Variants in PREX2 observed in about 807,000 individuals in gnomAD.
PREX2 encodes the protein phosphatidylinositol 3,4,5-trisphosphate-dependent Rac exchanger 2 protein.
A neutral mutation model predicts 203.2 loss-of-function variants in PREX2; 107 were observed. That is an observed-to-expected ratio of 0.53 (90% CI 0.45 to 0.62). The LOEUF (loss-of-function observed/expected upper bound fraction) is 0.62. Ranked by LOEUF, PREX2 falls within the 20% of genes least tolerant of loss-of-function variation. The probability of loss-of-function intolerance (pLI) is 0.00; values close to 1 mark genes in which losing one functional copy is unlikely to be tolerated. For synonymous variants in PREX2, 672 were observed against 663.6 expected (o/e 1.01, Z -0.19); for missense variants, 1,777 against 1,955.9 (o/e 0.91, Z 1.72).
At chr8:68,147,396 G>C (rs1342297444) in intron 34 of PREX2, among the ~76,000 whole-genome samples, 1 of 152,124 alleles carries the variant, frequency 6.6e-6, no homozygotes, top group African/African-American at 2.4e-5. Flanking sequence ...CCTGGTGGGA[G>C]GTAATTGAAT....
chr8:67,989,356 C>T (rs1051746308), intron 1 of PREX2, among the ~76,000 whole-genome samples: 1 of 152,008 alleles, frequency 6.6e-6, no homozygotes, highest in Non-Finnish European at 1.5e-5. Flanking sequence ...ATTTTTAAAA[C>T]TTCTAAATCT....
chr8:68,184,973 TA>T (rs1290406019), intron 35 of PREX2, among the ~76,000 whole-genome samples: 1 of 152,212 alleles, frequency 6.6e-6, no homozygotes, highest in Non-Finnish European at 1.5e-5. Flanking sequence ...TCCTGATTCT[TA>T]AATTAGTATG....
chr8:68,040,920 A>G (rs766908970), intron 7 of PREX2, among the ~76,000 whole-genome samples: 1 of 152,228 alleles, frequency 6.6e-6, no homozygotes, highest in East Asian at 1.9e-4. Flanking sequence ...TGTTATTGAC[A>G]TAATACTATT....
intron 31 of PREX2, among the ~76,000 whole-genome samples, chr8:68,127,867 G>A (rs937910687): frequency 3.3e-4 from 50 of 152,122 alleles, no homozygotes; most frequent in African/African-American, 9.9e-4. Context: ...GACACTAAAG[G>A]ACAATTAAAT....
chr8:68,051,346 A>AT (rs372447199), intron 8 of PREX2, among the ~76,000 whole-genome samples: 14,567 of 152,074 alleles, frequency 0.096, 2,187 homozygotes, highest in African/African-American at 0.32. Flanking sequence ...AAGGTATAAT[A>AT]ACATGAGTGG....
chr8:68,028,357 T>C (rs530320380), intron 5 of PREX2, among the ~76,000 whole-genome samples: 1 of 152,120 alleles, frequency 6.6e-6, no homozygotes, highest in South Asian at 2.1e-4. Context: ...GATTCCGACT[T>C]ATTTTAATAT....
In PREX2 at chr8:67,955,672, T is replaced by A. The variant is rs1431509366; in HGVS notation, c.141+3137T>A. Among the ~76,000 whole-genome samples the A allele has an allele frequency of 2.0e-5, 3 of 152,340 alleles. No homozygotes were observed. The East Asian group carries it at 5.8e-4, about 29-fold the overall frequency. ...GAGGACAGGGACATACCACCTTGTG[T>A]GCCTGTGCTTTCCATAATTGTGTGC... On this transcript the variant is annotated intron_variant, in intron 1 of 39. Transcript: ENST00000288368.
chr8:68,036,373 T>G (rs1808030958), intron 6 of PREX2, among the ~76,000 whole-genome samples: 1 of 152,174 alleles, frequency 6.6e-6, no homozygotes. Context: ...CTAATATCTG[T>G]GTATGTTAAT....
chr8:68,098,103 C>A (rs529685907), intron 22 of PREX2, among the ~76,000 whole-genome samples: 49 of 152,232 alleles, frequency 3.2e-4, no homozygotes, highest in Admixed American at 1.8e-3. Flanking sequence ...GGTAAAGAGG[C>A]AACTGCTGGC....
chr8:67,955,885 C>G (rs1805483025), intron 1 of PREX2, among the ~76,000 whole-genome samples: 1 of 152,140 alleles, frequency 6.6e-6, no homozygotes, highest in African/African-American at 2.4e-5. Flanking sequence ...TTTGCTCAGG[C>G]ACATATGAAT....
At chr8:68,166,224 C>T (rs1264647405) in intron 35 of PREX2, among the ~76,000 whole-genome samples, 1 of 152,138 alleles carries the variant, frequency 6.6e-6, no homozygotes, top group Non-Finnish European at 1.5e-5. Context: ...ACTGGGAGGT[C>T]TGAATTCAGG....
chr8:68,176,390 C>T (rs1389562715), intron 35 of PREX2, among the ~76,000 whole-genome samples: 1 of 150,504 alleles, frequency 6.6e-6, no homozygotes, highest in Non-Finnish European at 1.5e-5. Flanking sequence ...GAAATTTCTG[C>T]AGTGGGGTGA....
intron 6 of PREX2, among the ~76,000 whole-genome samples, chr8:68,036,149 G>GT (rs1808023851): frequency 6.6e-6 from 1 of 152,106 alleles, no homozygotes; most frequent in Admixed American, 6.6e-5. Context: ...AGAGTTTCTT[G>GT]TATCAATTTG....
chr8:68,053,095 A>T lies in PREX2; in HGVS notation c.944-2A>T. ...CATTTGCCTTTACCCATTAATTTAC[A>T]GCTGATTTCCATAGCAGTGGACACA... On this transcript the variant is annotated splice_acceptor_variant, in intron 8 of 39. Transcript: ENST00000288368. LOFTEE classifies it high-confidence loss of function. 1 of 1,611,234 alleles carries T rather than the reference A, an allele frequency of 6.2e-7. No individual in the cohort carries two copies. Among genetic ancestry groups the T allele is most frequent in the Non-Finnish European group, 8.5e-7 (1 of 1,178,368 alleles).
intron 7 of PREX2, among the ~76,000 whole-genome samples, chr8:68,040,735 C>A (rs987244977): frequency 6.6e-5 from 10 of 152,254 alleles, no homozygotes; most frequent in African/African-American, 2.4e-4. Flanking sequence ...CTAGATTAGA[C>A]TGCAAGGTTC....
chr8:68,169,764 T>C (rs1412870907), intron 35 of PREX2, among the ~76,000 whole-genome samples: 1 of 152,178 alleles, frequency 6.6e-6, no homozygotes, highest in Non-Finnish European at 1.5e-5. Flanking sequence ...GAACAAATTC[T>C]GTGTTACTAA....
intron 30 of PREX2, among the ~76,000 whole-genome samples, chr8:68,123,299 T>A (rs1323481480): frequency 6.6e-6 from 1 of 152,018 alleles, no homozygotes; most frequent in Non-Finnish European, 1.5e-5. Flanking sequence ...AGATCTTGAT[T>A]TATAAACCTA....
chr8:67,975,059 A>C (rs919667970), intron 1 of PREX2, among the ~76,000 whole-genome samples: 16 of 152,034 alleles, frequency 1.1e-4, no homozygotes, highest in African/African-American at 2.9e-4. Flanking sequence ...TGCCTTTATT[A>C]TTCTTCTTCT....
At chr8:67,999,239 A>C (rs937759044) in intron 1 of PREX2, among the ~76,000 whole-genome samples, 1 of 152,068 alleles carries the variant, frequency 6.6e-6, no homozygotes, top group African/African-American at 2.4e-5. Flanking sequence ...ACACTAATAA[A>C]GAAGGAAAGA....
Sources: allele counts gnomAD v4.1 joint callset (sites outside exome capture counted in the v4.1 genomes callset), GRCh38; gene constraint gnomAD v4.1.1; transcripts MANE v1.5; gene names NCBI Gene and HGNC (gene_info 2026-07-23, HGNC 2026-07-21).